Variants in CASK observed in about 807,000 individuals in gnomAD.
CASK encodes calcium/calmodulin dependent serine protein kinase.
In CASK, 4 loss-of-function variants were observed where a neutral mutation model predicts 82.9. The observed-to-expected ratio is 0.05, with a 90% CI of 0.02 to 0.11. The LOEUF is 0.11. CASK is among the 10% of genes least tolerant of loss of function. The pLI, the probability that CASK is intolerant of heterozygous loss-of-function variation, is 1.00. For synonymous variants in CASK, 259 were observed against 253.5 expected (o/e 1.02, Z -0.20); for missense variants, 358 against 720.9 (o/e 0.50, Z 5.76).
At chrX:41,578,198 C>T in intron 15 of CASK, 142 bp downstream of exon 15, 1 of 451,393 alleles carries the variant, frequency 2.2e-6, no homozygotes, top group South Asian at 3.6e-5. Flanking sequence ...CAGGGGGGAA[C>T]TGAAGATCTG....
At chrX:41,761,317 C>T (rs1386631069) in intron 3 of CASK, among the ~76,000 whole-genome samples, 1 of 111,180 alleles carries the variant, frequency 9.0e-6, no homozygotes, top group Admixed American at 9.6e-5. Flanking sequence ...CACAGAACAT[C>T]TAAATAACTG....
chrX:41,797,877 A>T (rs1163508978), intron 2 of CASK, among the ~76,000 whole-genome samples: 2 of 111,883 alleles, frequency 1.8e-5, no homozygotes, highest in Admixed American at 1.9e-4. Flanking sequence ...ATGATTAAAG[A>T]CTTCTCAGAG....
chrX:41,725,396 A>G (rs1321530869), intron 5 of CASK, among the ~76,000 whole-genome samples: 1 of 111,635 alleles, frequency 9.0e-6, no homozygotes, highest in Admixed American at 9.6e-5. Context: ...CTGGGGGGAT[A>G]TAAGAATTTC....
intron 11 of CASK, among the ~76,000 whole-genome samples, chrX:41,613,403 T>C (rs1171537453): frequency 4.1e-5 from 4 of 97,898 alleles, no homozygotes; most frequent in Non-Finnish European, 6.2e-5. Flanking sequence ...CGGTGCAAGA[T>C]GTGCTTTGTT....
chrX:41,842,309 T>G (rs767261294), intron 2 of CASK, among the ~76,000 whole-genome samples: 1 of 111,355 alleles, frequency 9.0e-6, no homozygotes, highest in African/African-American at 3.3e-5. Context: ...CAGTGGCTCA[T>G]GGCTATAATC....
At chrX:41,721,499 A>G (rs2068166317) in intron 5 of CASK, among the ~76,000 whole-genome samples, 1 of 111,480 alleles carries the variant, frequency 9.0e-6, no homozygotes, top group Non-Finnish European at 1.9e-5. Flanking sequence ...CCTCAAGTCT[A>G]GAACAGGATA....
At chrX:41,644,046 T>C (rs1182917603) in intron 8 of CASK, among the ~76,000 whole-genome samples, 2 of 112,251 alleles carry the variant, frequency 1.8e-5, no homozygotes, top group Non-Finnish European at 3.8e-5. Context: ...TGGTTTTTGT[T>C]GTTGGTTCTG....
intron 11 of CASK, among the ~76,000 whole-genome samples, chrX:41,613,189 AG>A (rs2066130858): frequency 8.9e-6 from 1 of 112,262 alleles, no homozygotes; most frequent in African/African-American, 3.2e-5. Context: ...TGGAATGGAA[AG>A]GGGGGAAAGG....
intron 16 of CASK, among the ~76,000 whole-genome samples, chrX:41,566,340 T>C (rs187626018): frequency 1.0e-3 from 114 of 111,422 alleles, no homozygotes; most frequent in African/African-American, 3.5e-3. Flanking sequence ...AAAACCCCAT[T>C]GTCTCAGCCC....
chrX:41,866,510 C>T (rs1406664312), intron 1 of CASK, among the ~76,000 whole-genome samples: 1 of 112,005 alleles, frequency 8.9e-6, no homozygotes, highest in Non-Finnish European at 1.9e-5. Flanking sequence ...CTTTCAGAAT[C>T]CCTTTATTGC....
chrX:41,600,256 A>C, intron 12 of CASK, among the ~76,000 whole-genome samples: 1 of 112,274 alleles, frequency 8.9e-6, no homozygotes, highest in South Asian at 3.7e-4. Context: ...TGTCATGAAA[A>C]ATTTAAAGAG....
chrX:41,737,750 G>A (rs2068521609), intron 5 of CASK, among the ~76,000 whole-genome samples: 2 of 112,064 alleles, frequency 1.8e-5, no homozygotes, highest in South Asian at 3.7e-4. Flanking sequence ...ATTGCCTCTT[G>A]AGCAAAACAG....
chrX:41,674,769 A>C (rs1255566309), intron 5 of CASK, among the ~76,000 whole-genome samples: 1 of 111,741 alleles, frequency 8.9e-6, no homozygotes, highest in Non-Finnish European at 1.9e-5. Flanking sequence ...TCCTTTAGAG[A>C]AGTTTCAGAA....
chrX:41,775,077 T>C (rs1226118549), intron 3 of CASK, among the ~76,000 whole-genome samples: 2 of 107,826 alleles, frequency 1.9e-5, no homozygotes, highest in African/African-American at 6.8e-5. Flanking sequence ...CAAAAGAAAC[T>C]ACCATCAGAG....
At chrX:41,539,227 C>G (rs2064915735) in intron 22 of CASK, among the ~76,000 whole-genome samples, 1 of 111,927 alleles carries the variant, frequency 8.9e-6, no homozygotes, top group Non-Finnish European at 1.9e-5. Context: ...TCCACTTTAA[C>G]AAGCTATGTA....
intron 1 of CASK, among the ~76,000 whole-genome samples, chrX:41,858,497 A>G (rs1459177493): frequency 9.0e-6 from 1 of 111,699 alleles, no homozygotes; most frequent in Non-Finnish European, 1.9e-5. Flanking sequence ...CAGGGCAGCC[A>G]GTGCCCCCCA....
chrX:41,916,199 T>G (rs1024044145), intron 1 of CASK, among the ~76,000 whole-genome samples: 2 of 112,703 alleles, frequency 1.8e-5, no homozygotes, highest in Admixed American at 1.9e-4. Context: ...TAAAATTTAC[T>G]ACGTGCATCA....
intron 15 of CASK, among the ~76,000 whole-genome samples, chrX:41,574,934 A>C (rs941969029): frequency 1.8e-5 from 2 of 112,480 alleles, no homozygotes; most frequent in Non-Finnish European, 3.7e-5. Context: ...TAGGTGAGCA[A>C]TGTGAAAAAC....
chrX:41,828,373 A>G (rs1009428715), intron 2 of CASK, among the ~76,000 whole-genome samples: 39 of 111,817 alleles, frequency 3.5e-4, no homozygotes, highest in African/African-American at 1.2e-3. Context: ...TAAAAAGACA[A>G]AAGGTTCATT....
Sources: gnomAD v4.1 joint callset for allele counts (sites outside exome capture counted in the v4.1 genomes callset) on GRCh38, gnomAD v4.1.1 for gene constraint, MANE v1.5 for transcripts, NCBI Gene and HGNC (gene_info 2026-07-23, HGNC 2026-07-21) for gene names.